The following RPL31 variants were observed in gnomAD, a reference collection of about 807,000 sequenced individuals.
RPL31 encodes the protein ribosomal protein L31, also known as large ribosomal subunit protein eL31.
For missense variants in RPL31, 95 were observed against 164.0 expected, an observed-to-expected ratio of 0.58 and a Z score of 2.30; for synonymous variants, 51 against 55.0, an observed-to-expected ratio of 0.93 and a Z score of 0.32.
At chr2:101,005,788 T>A (rs1678707610) in intron 3 of RPL31, 171 bp from the exon 4 acceptor site, 3 of 620,378 alleles carry the variant, frequency 4.8e-6, no homozygotes, top group Non-Finnish European at 8.5e-6. Flanking sequence ...CAGCATTTAA[T>A]GTTCACCTGG....
exon 5 of RPL31, chr2:101,019,224 C>CCTG: frequency 3.5e-6 from 2 of 574,404 alleles, no homozygotes; most frequent in South Asian, 3.6e-5. Context: ...CTGCCCTTGC[C>CCTG]TCTTCGACAG....
chr2:101,019,168 A>G (rs1679872809), exon 5 of RPL31: 2 of 1,304,248 alleles, frequency 1.5e-6, no homozygotes, highest in African/African-American at 2.9e-5. Flanking sequence ...GCAGAGGGCC[A>G]GGCCTGTTCT....
intron 3 of RPL31, chr2:101,005,462 C>T (rs1023964465): frequency 2.6e-5 from 4 of 154,664 alleles, no homozygotes; most frequent in African/African-American, 9.7e-5. Context: ...GCAGCCGCCA[C>T]CACGCCTGGC....
chr2:101,015,799 C>A (rs1346504404), intron 4 of RPL31, among the ~76,000 whole-genome samples: 1 of 152,058 alleles, frequency 6.6e-6, no homozygotes, highest in African/African-American at 2.4e-5. Context: ...CTTTGACAAA[C>A]CTGAGAAAAA....
At chr2:101,005,723 G>A in intron 3 of RPL31, 1 of 541,440 alleles carries the variant, frequency 1.8e-6, no homozygotes. Context: ...AACCGGTTGG[G>A]TATCAATGGT....
At chr2:101,007,494 C>T (rs1678813973), downstream of RPL31, 1 of 245,636 alleles carries the variant, frequency 4.1e-6, no homozygotes, top group Non-Finnish European at 7.8e-6. Flanking sequence ...GCTTTTCTTG[C>T]TTCTTGGTTA....
chr2:101,016,094 GC>G (rs1481533506), intron 4 of RPL31, among the ~76,000 whole-genome samples: 1 of 152,086 alleles, frequency 6.6e-6, no homozygotes, highest in Non-Finnish European at 1.5e-5. Flanking sequence ...AAACTAAAGA[GC>G]TTCTGCACAG....
intron 4 of RPL31, among the ~76,000 whole-genome samples, chr2:101,012,678 T>G (rs1384089624): frequency 2.6e-5 from 4 of 151,408 alleles, no homozygotes; most frequent in Non-Finnish European, 4.4e-5. Flanking sequence ...ACTTGCATGG[T>G]GCGTGAAATA....
At chr2:101,006,158 G>A (rs1289360342) in intron 4 of RPL31, 87 bp downstream of exon 4, 12 of 1,547,798 alleles carry the variant, frequency 7.8e-6, no homozygotes, top group Admixed American at 2.1e-5. Context: ...TTAAGCTAGG[G>A]GTGACACACG....
At chr2:101,009,666 C>G (rs1007358375), downstream of RPL31, among the ~76,000 whole-genome samples, 16 of 152,072 alleles carry the variant, frequency 1.1e-4, no homozygotes, top group African/African-American at 3.4e-4. Context: ...GCACAGTAGA[C>G]GAGCAGCATT....
intron 2 of RPL31, 95 bp downstream of exon 2, chr2:101,002,903 T>C (rs998252356): frequency 1.3e-5 from 12 of 889,976 alleles, no homozygotes; most frequent in African/African-American, 1.2e-4. Context: ...TCTTTTCCTC[T>C]TGTGGCCTTC....
downstream of RPL31, chr2:101,008,015 C>T (rs900980217): frequency 6.2e-7 from 1 of 1,613,880 alleles, no homozygotes; most frequent in African/African-American, 1.3e-5. Flanking sequence ...TCCCTTTCTG[C>T]CGCCTCTGGA....
rs538420407 is a variant in RPL31 at position 101,012,724 on chromosome 2, G to A, written c.347-6274G>A. 4.6e-5 allele frequency among the ~76,000 whole-genome samples: 7 copies of A among 152,166 alleles called. No individual in the cohort carries two copies. In the South Asian group the frequency reaches 8.3e-4, roughly 18 times the overall value. On this transcript the variant is annotated intron_variant, in intron 4 of 4. Coordinates refer to the RPL31 transcript ENST00000409028. ...AAGCTGCTACAAAATAACAATTATC[G>A]GGGATGACAGGGAAGGTTCCCCATA... is the stretch of plus-strand genomic sequence containing the variant.
At chr2:101,012,940 G>A (rs1679339550) in intron 4 of RPL31, among the ~76,000 whole-genome samples, 2 of 152,200 alleles carry the variant, frequency 1.3e-5, no homozygotes, top group African/African-American at 4.8e-5. Context: ...AACTGAACAG[G>A]AGGAAAATTG....
chr2:101,004,483 AGGG>A (rs1678645225), intron 3 of RPL31, 200 bp downstream of exon 3: 2 of 570,210 alleles, frequency 3.5e-6, no homozygotes, highest in Non-Finnish European at 6.1e-6. Context: ...CTGAGACCCA[AGGG>A]AAGGAGCCAG....
At chr2:101,015,970 C>T (rs1358745643) in intron 4 of RPL31, among the ~76,000 whole-genome samples, 2 of 151,708 alleles carry the variant, frequency 1.3e-5, no homozygotes, top group Admixed American at 6.6e-5. Flanking sequence ...CATAAAAACC[C>T]TAGAAGAAAA....
At chr2:101,012,558 A>G (rs964699751) in intron 4 of RPL31, among the ~76,000 whole-genome samples, 1 of 151,736 alleles carries the variant, frequency 6.6e-6, no homozygotes, top group African/African-American at 2.4e-5. Flanking sequence ...AAGATATGAC[A>G]TTTATTTTCA....
chr2:101,009,248 C>CA (rs1330107082), downstream of RPL31, among the ~76,000 whole-genome samples: 16 of 151,540 alleles, frequency 1.1e-4, no homozygotes, highest in African/African-American at 3.9e-4. Context: ...ATTAAAAATA[C>CA]AAAAAAAATT....
At chr2:101,008,374 T>G, downstream of RPL31, 10 of 923,582 alleles carry the variant, frequency 1.1e-5, no homozygotes, top group Non-Finnish European at 1.4e-5. Context: ...ACACAGTATT[T>G]TTGAAGACAC....
Sources: gnomAD v4.1 joint callset for allele counts (sites outside exome capture counted in the v4.1 genomes callset) on GRCh38, gnomAD v4.1.1 for gene constraint, MANE v1.5 for transcripts, NCBI Gene and HGNC (gene_info 2026-07-23, HGNC 2026-07-21) for gene names.